Variants in LRRTM4 observed in about 807,000 individuals in gnomAD.
The protein encoded by LRRTM4 is leucine-rich repeat transmembrane neuronal protein 4.
LRRTM4 carries 25 observed loss-of-function variants against 47.6 expected under a neutral mutation model. The observed-to-expected ratio is 0.53, with a 90% CI of 0.38 to 0.73. The LOEUF is 0.73. Among genes scored for constraint, LRRTM4 ranks in the 30% least tolerant of loss-of-function variants. The pLI is 0.00. For missense variants in LRRTM4, 638 were observed against 713.4 expected, an observed-to-expected ratio of 0.89 and a Z score of 1.20; for synonymous variants, 311 against 269.5, an observed-to-expected ratio of 1.15 and a Z score of -1.51.
chr2:77,277,247 T>C (rs1676387082), intron 3 of LRRTM4, among the ~76,000 whole-genome samples: 1 of 152,006 alleles, frequency 6.6e-6, no homozygotes, highest in African/African-American at 2.4e-5. Context: ...TCTGAGAAAA[T>C]AAATTTTACT....
chr2:76,853,995 A>G (rs765808772), intron 3 of LRRTM4, among the ~76,000 whole-genome samples: 2 of 152,130 alleles, frequency 1.3e-5, no homozygotes, highest in Non-Finnish European at 2.9e-5. Flanking sequence ...CTGTTCTTTA[A>G]AAGGTTTTTA....
intron 3 of LRRTM4, among the ~76,000 whole-genome samples, chr2:76,874,914 T>C (rs1672736097): frequency 6.6e-6 from 1 of 152,130 alleles, no homozygotes; most frequent in Non-Finnish European, 1.5e-5. Context: ...ATTCTGTTCA[T>C]GTATTCATCA....
At chr2:77,075,130 T>G (rs1393351879) in intron 3 of LRRTM4, among the ~76,000 whole-genome samples, 1 of 152,228 alleles carries the variant, frequency 6.6e-6, no homozygotes, top group African/African-American at 2.4e-5. Flanking sequence ...AGATAATATG[T>G]GAGCTGTTTC....
intron 3 of LRRTM4, among the ~76,000 whole-genome samples, chr2:77,356,241 A>T (rs1211908054): frequency 6.6e-6 from 1 of 152,246 alleles, no homozygotes; most frequent in African/African-American, 2.4e-5. Flanking sequence ...CTTATTAGAC[A>T]CTATCCTTTA....
At position 76,977,021 on chromosome 2, in the gene LRRTM4, G is replaced by C. The variant is rs115547427; in HGVS notation, c.1552-228105C>G. Among the ~76,000 whole-genome samples, 1,180 of 151,826 alleles carry C rather than the reference G, an allele frequency of 7.8e-3. 12 individuals are homozygous for C. The highest frequency in any genetic ancestry group is 0.027 in the African/African-American group (1,121 of 41,492). On this transcript the variant is annotated intron_variant, in intron 3 of 3. Transcript: ENST00000409884. The stretch of plus-strand genomic sequence containing the variant: ...AAGCATTAATAGGCTGTGTGTGTTT[G>C]TGTGTGTTTACATGTGTCAGTGTAC...
chr2:77,379,249 G>C (rs992714403), intron 3 of LRRTM4, among the ~76,000 whole-genome samples: 44 of 151,958 alleles, frequency 2.9e-4, no homozygotes, highest in African/African-American at 1.0e-3. Context: ...CTGTTTTGGC[G>C]ATCTAGTTTT....
rs79971259 is a variant in LRRTM4, at chr2:77,117,563, A to G, written c.1552-368647T>C. ...TCTGCTCCATATGGGCATGGCAAAT[A>G]TCTAAAAACTTTTTGTTCCTCTGTG... On this transcript the variant is annotated intron_variant, in intron 3 of 3. Coordinates refer to ENST00000409884, the MANE Select transcript of LRRTM4 (RefSeq NM_001134745.3). Among the ~76,000 whole-genome samples the G allele has an allele frequency of 3.1e-4, 47 of 151,936 alleles. No homozygotes were observed. The East Asian group carries it at 8.7e-3, about 28-fold the overall frequency.
At chr2:77,095,691 G>A (rs887173984) in intron 3 of LRRTM4, among the ~76,000 whole-genome samples, 9 of 151,986 alleles carry the variant, frequency 5.9e-5, no homozygotes, top group African/African-American at 1.9e-4. Context: ...GTATTTTTTA[G>A]TAGAGACAGG....
intron 3 of LRRTM4, among the ~76,000 whole-genome samples, chr2:77,347,564 A>G (rs1311019957): frequency 6.6e-6 from 1 of 152,186 alleles, no homozygotes; most frequent in Non-Finnish European, 1.5e-5. Flanking sequence ...TTCTCAAATT[A>G]TCTGTAGTGA....
intron 3 of LRRTM4, among the ~76,000 whole-genome samples, chr2:77,044,867 A>C (rs1323042386): frequency 6.7e-6 from 1 of 149,352 alleles, no homozygotes; most frequent in Non-Finnish European, 1.5e-5. Context: ...ATAAACATAC[A>C]CAGACAAATG....
At chr2:77,078,323 C>A (rs1680413089) in intron 3 of LRRTM4, among the ~76,000 whole-genome samples, 1 of 151,732 alleles carries the variant, frequency 6.6e-6, no homozygotes, top group Non-Finnish European at 1.5e-5. Flanking sequence ...AAACCAACAA[C>A]AAATCTAGGA....
intron 3 of LRRTM4, among the ~76,000 whole-genome samples, chr2:76,900,367 G>A (rs1673582192): frequency 6.6e-6 from 1 of 151,882 alleles, no homozygotes; most frequent in Admixed American, 6.6e-5. Context: ...TTTGCAATAT[G>A]TATCAAAGGT....
intron 3 of LRRTM4, among the ~76,000 whole-genome samples, chr2:77,204,183 C>G: frequency 6.6e-6 from 1 of 152,140 alleles, no homozygotes; most frequent in Non-Finnish European, 1.5e-5. Context: ...CAGCAGAGAA[C>G]AGAAGCACAT....
chr2:77,409,311 G>A (rs1192099494), intron 3 of LRRTM4, among the ~76,000 whole-genome samples: 1 of 152,034 alleles, frequency 6.6e-6, no homozygotes, highest in Non-Finnish European at 1.5e-5. Flanking sequence ...ATTTTCTTAC[G>A]GTTCTAGAGG....
chr2:77,425,246 C>G (rs867649403), intron 3 of LRRTM4, among the ~76,000 whole-genome samples: 1 of 152,162 alleles, frequency 6.6e-6, no homozygotes, highest in Non-Finnish European at 1.5e-5. Context: ...TGTAAGAACT[C>G]TCTGTATTCA....
chr2:77,338,666 T>G (rs1275088154), intron 3 of LRRTM4, among the ~76,000 whole-genome samples: 2 of 152,040 alleles, frequency 1.3e-5, no homozygotes, highest in African/African-American at 4.8e-5. Flanking sequence ...GTAAATTAAT[T>G]TAGCCCTAAT....
chr2:77,209,192 C>T (rs1003714241), intron 3 of LRRTM4, among the ~76,000 whole-genome samples: 3 of 152,134 alleles, frequency 2.0e-5, no homozygotes, highest in African/African-American at 7.2e-5. Flanking sequence ...CCTTGCTTTT[C>T]ATTTTGTTTT....
chr2:77,327,598 G>C (rs945633579), intron 3 of LRRTM4, among the ~76,000 whole-genome samples: 1 of 152,128 alleles, frequency 6.6e-6, no homozygotes, highest in African/African-American at 2.4e-5. Context: ...GAAAAATTGA[G>C]GGATTTCTTA....
At chr2:77,080,642 G>C (rs978919143) in intron 3 of LRRTM4, among the ~76,000 whole-genome samples, 1 of 146,372 alleles carries the variant, frequency 6.8e-6, no homozygotes, top group Non-Finnish European at 1.5e-5. Flanking sequence ...AGTCATCCTT[G>C]ACCTCTCTCT....
Sources: gnomAD v4.1 joint callset for allele counts (sites outside exome capture counted in the v4.1 genomes callset) on GRCh38, gnomAD v4.1.1 for gene constraint, MANE v1.5 for transcripts, NCBI Gene and HGNC (gene_info 2026-07-23, HGNC 2026-07-21) for gene names.